The following EYS variants were observed in gnomAD, a reference collection of about 807,000 sequenced individuals.
The protein encoded by EYS is protein eyes shut homolog.
A neutral mutation model predicts 282.1 loss-of-function variants in EYS; 250 were observed. The ratio of observed to expected loss-of-function variants is 0.89; its 90% CI spans 0.80 to 0.98. EYS has a LOEUF of 0.98. EYS is among the 50% of genes least tolerant of loss of function. The pLI, the probability that EYS is intolerant of heterozygous loss-of-function variation, is 0.00. For synonymous variants in EYS, 1,355 were observed against 1,282.9 expected, an observed-to-expected ratio of 1.06 and a Z score of -1.20; for missense variants, 4,016 against 3,709.0, an observed-to-expected ratio of 1.08 and a Z score of -2.15.
intron 2 of EYS, among the ~76,000 whole-genome samples, chr6:65,578,079 T>TA: frequency 6.6e-6 from 1 of 151,836 alleles, no homozygotes; most frequent in Non-Finnish European, 1.5e-5. Context: ...CCAATAGGGA[T>TA]ATATCCAAAG....
At chr6:64,185,069 G>A (rs1189233344) in intron 31 of EYS, among the ~76,000 whole-genome samples, 2 of 152,060 alleles carry the variant, frequency 1.3e-5, no homozygotes, top group Non-Finnish European at 2.9e-5. Flanking sequence ...ACCATGTGAG[G>A]TCAGTGAGAA....
chr6:65,238,211 T>A (rs1286767352), intron 12 of EYS, among the ~76,000 whole-genome samples: 1 of 150,886 alleles, frequency 6.6e-6, no homozygotes, highest in Non-Finnish European at 1.5e-5. Context: ...AATACTATTA[T>A]GTAAAGATAA....
intron 31 of EYS, among the ~76,000 whole-genome samples, chr6:64,114,247 T>C (rs1300250418): frequency 1.3e-5 from 2 of 152,232 alleles, no homozygotes; most frequent in Admixed American, 1.3e-4. Flanking sequence ...TATTTTTGTC[T>C]TCTATTATTT....
chr6:63,799,386 A>G (rs1770729396), intron 37 of EYS, among the ~76,000 whole-genome samples: 2 of 152,130 alleles, frequency 1.3e-5, no homozygotes, highest in Admixed American at 6.6e-5. Context: ...TTATATTTCA[A>G]TGATTCAAAC....
At chr6:63,919,023 T>G (rs1421804404) in intron 35 of EYS, among the ~76,000 whole-genome samples, 1 of 152,208 alleles carries the variant, frequency 6.6e-6, no homozygotes, top group Non-Finnish European at 1.5e-5. Flanking sequence ...TATAATACAC[T>G]TAACTTTCAG....
chr6:64,292,804 T>C (rs1318702998), intron 30 of EYS, among the ~76,000 whole-genome samples: 3 of 152,044 alleles, frequency 2.0e-5, no homozygotes, highest in African/African-American at 7.2e-5. Context: ...TGATAACATA[T>C]ATGCTATGTA....
At chr6:64,531,381 G>A (rs918107444) in intron 26 of EYS, among the ~76,000 whole-genome samples, 4 of 105,262 alleles carry the variant, frequency 3.8e-5, no homozygotes, top group Admixed American at 1.2e-4. Flanking sequence ...GAAAAATTGA[G>A]TTTTGTTTTT....
intron 24 of EYS, among the ~76,000 whole-genome samples, chr6:64,611,433 A>T (rs1331350637): frequency 6.6e-6 from 1 of 152,116 alleles, no homozygotes; most frequent in Non-Finnish European, 1.5e-5. Flanking sequence ...ATTACTACCA[A>T]ATAAGCGTCC....
chr6:64,999,802 G>C (rs1387632259), intron 13 of EYS, among the ~76,000 whole-genome samples: 1 of 152,126 alleles, frequency 6.6e-6, no homozygotes, highest in Non-Finnish European at 1.5e-5. Flanking sequence ...GAACAACATG[G>C]AGTTTTGCCA....
At chr6:64,315,295 G>T (rs891230478) in intron 29 of EYS, among the ~76,000 whole-genome samples, 3 of 152,062 alleles carry the variant, frequency 2.0e-5, no homozygotes, top group African/African-American at 4.8e-5. Flanking sequence ...AACCAAAAAC[G>T]TCCAGGATCA....
At chr6:63,760,933 A>G (rs1769623192) in intron 41 of EYS, among the ~76,000 whole-genome samples, 1 of 152,040 alleles carries the variant, frequency 6.6e-6, no homozygotes, top group African/African-American at 2.4e-5. Context: ...TGGGAGTTAT[A>G]AAGGTACTCA....
At chr6:65,063,949 C>A (rs1368087817) in intron 12 of EYS, among the ~76,000 whole-genome samples, 1 of 151,558 alleles carries the variant, frequency 6.6e-6, no homozygotes, top group Non-Finnish European at 1.5e-5. Flanking sequence ...TTACACTAAG[C>A]TATATCCTCC....
At chr6:65,598,962 T>C (rs1765514927) in intron 2 of EYS, among the ~76,000 whole-genome samples, 1 of 152,104 alleles carries the variant, frequency 6.6e-6, no homozygotes, top group African/African-American at 2.4e-5. Context: ...GTGTGTGGTG[T>C]ATATATCTAT....
At chr6:65,191,947 A>AG (rs1562014027) in intron 12 of EYS, among the ~76,000 whole-genome samples, 1 of 133,638 alleles carries the variant, frequency 7.5e-6, no homozygotes, top group African/African-American at 2.8e-5. Context: ...ATTCATTTGT[A>AG]CTTTTTTTTT....
At chr6:64,332,197 C>A (rs1229454725) in intron 29 of EYS, among the ~76,000 whole-genome samples, 4 of 152,172 alleles carry the variant, frequency 2.6e-5, no homozygotes, top group Non-Finnish European at 5.9e-5. Context: ...GGTCCTTCTC[C>A]ATGTCAGGTG....
At chr6:65,320,763 A>G (rs1176135957) in intron 11 of EYS, among the ~76,000 whole-genome samples, 1 of 152,108 alleles carries the variant, frequency 6.6e-6, no homozygotes, top group African/African-American at 2.4e-5. Context: ...AGGTTGCCTT[A>G]AGGTGGCCCT....
At chr6:64,878,669 C>A (rs1766825121) in intron 19 of EYS, among the ~76,000 whole-genome samples, 1 of 148,780 alleles carries the variant, frequency 6.7e-6, no homozygotes, top group Non-Finnish European at 1.5e-5. Flanking sequence ...GTGTGTGTTT[C>A]TTTAAGCACA....
chr6:64,349,618 T>C (rs1417094715), intron 29 of EYS, among the ~76,000 whole-genome samples: 1 of 151,248 alleles, frequency 6.6e-6, no homozygotes, highest in African/African-American at 2.4e-5. Flanking sequence ...AAGTTGAAAA[T>C]TCTCCTTTGA....
intron 5 of EYS, among the ~76,000 whole-genome samples, chr6:65,435,563 A>G (rs1224344395): frequency 6.6e-6 from 1 of 152,126 alleles, no homozygotes; most frequent in Non-Finnish European, 1.5e-5. Flanking sequence ...TAACAATTTT[A>G]ACTGGGTGAA....
Sources: gnomAD v4.1 joint callset for allele counts (sites outside exome capture counted in the v4.1 genomes callset) on GRCh38, gnomAD v4.1.1 for gene constraint, MANE v1.5 for transcripts, NCBI Gene and HGNC (gene_info 2026-07-23, HGNC 2026-07-21) for gene names.